DLG2: variants seen among roughly 807,000 people sequenced by gnomAD.
The protein encoded by DLG2 is disks large homolog 2.
DLG2 carries 45 observed loss-of-function variants against 132.5 expected under a neutral mutation model. That is an observed-to-expected ratio of 0.34 (90% CI 0.27 to 0.44). DLG2 has a LOEUF of 0.44. Ranked by LOEUF, DLG2 falls within the 20% of genes least tolerant of loss-of-function variation. The pLI is 1.00. For missense variants in DLG2, 1,045 were observed against 1,196.9 expected, an observed-to-expected ratio of 0.87 and a Z score of 1.87; for synonymous variants, 424 against 419.6, an observed-to-expected ratio of 1.01 and a Z score of -0.13.
At chr11:85,039,465 A>G (rs776049799) in intron 6 of DLG2, among the ~76,000 whole-genome samples, 1 of 151,856 alleles carries the variant, frequency 6.6e-6, no homozygotes. Flanking sequence ...ACCATTCCCT[A>G]GTTGTATAAG....
intron 10 of DLG2, among the ~76,000 whole-genome samples, chr11:84,078,259 G>C (rs925817123): frequency 6.6e-6 from 1 of 152,148 alleles, no homozygotes; most frequent in Non-Finnish European, 1.5e-5. Flanking sequence ...TAAACAGGTA[G>C]ATGGGAATGG....
chr11:85,564,420 T>C (rs547436304), intron 3 of DLG2, among the ~76,000 whole-genome samples: 9 of 152,126 alleles, frequency 5.9e-5, no homozygotes, highest in African/African-American at 2.2e-4. Flanking sequence ...TTTTGAGTTA[T>C]TTTTCAACAT....
chr11:84,777,864 G>A (rs1055268513), intron 6 of DLG2, among the ~76,000 whole-genome samples: 2 of 152,024 alleles, frequency 1.3e-5, no homozygotes, highest in African/African-American at 4.8e-5. Context: ...TTCCCTGTTG[G>A]ATGAATAGTT....
intron 3 of DLG2, among the ~76,000 whole-genome samples, chr11:85,591,034 T>C (rs1380360431): frequency 6.6e-6 from 1 of 152,168 alleles, no homozygotes; most frequent in Non-Finnish European, 1.5e-5. Flanking sequence ...AGTTAAATGG[T>C]GCCATCTGGT....
intron 6 of DLG2, among the ~76,000 whole-genome samples, chr11:84,631,026 A>T (rs1020478698): frequency 0.028 from 3,185 of 111,804 alleles, 29 homozygotes; most frequent in African/African-American, 0.036. Flanking sequence ...TCTCACACAC[A>T]CACACACACA....
chr11:83,831,717 A>G (rs961318864), intron 17 of DLG2, among the ~76,000 whole-genome samples: 4 of 152,224 alleles, frequency 2.6e-5, no homozygotes, highest in Admixed American at 2.6e-4. Flanking sequence ...TTAGTTATGA[A>G]CTATGAACCA....
rs1030239512 is a variant in DLG2 at position 85,324,499 on chromosome 11, T to C, written c.41-39134A>G. ...GAAAGACTAAAATCATCTGAACATC[T>C]GATTACTGATACACTGGTATTATTA... On this transcript the variant is annotated intron_variant, in intron 3 of 27. Coordinates refer to ENST00000376104, the MANE Select transcript of DLG2 (RefSeq NM_001142699.3). 9.2e-5 allele frequency among the ~76,000 whole-genome samples: 14 copies of C among 152,162 alleles called. 1 individual carries two copies. The highest frequency in any genetic ancestry group is 7.2e-4 in the Admixed American group (11 of 15,276).
At position 84,139,372 on chromosome 11, in the gene DLG2, G is replaced by C. The variant is rs2094741329; in HGVS notation, c.624+24089C>G. Among the ~76,000 whole-genome samples the C allele has an allele frequency of 2.6e-5, 4 of 152,052 alleles. No individual in the cohort carries two copies. In the South Asian group the frequency reaches 8.3e-4, roughly 32 times the overall value. On this transcript the variant is annotated intron_variant, in intron 9 of 27. Coordinates refer to ENST00000376104, the MANE Select transcript of DLG2 (RefSeq NM_001142699.3). The stretch of plus-strand genomic sequence containing the variant: ...ATAATCAGGAGCATTGCCAGAGGGA[G>C]GAAACCATATAGGAAATAGTTAAAG...
At chr11:84,783,116 G>T (rs2072128633) in intron 6 of DLG2, among the ~76,000 whole-genome samples, 1 of 151,968 alleles carries the variant, frequency 6.6e-6, no homozygotes, top group South Asian at 2.1e-4. Context: ...AAAATCAATT[G>T]ATCTCACCCT....
intron 18 of DLG2, among the ~76,000 whole-genome samples, chr11:83,715,180 C>G (rs974793999): frequency 1.3e-5 from 2 of 152,156 alleles, no homozygotes; most frequent in African/African-American, 4.8e-5. Flanking sequence ...GGATCAAAAA[C>G]TCACAGGAAT....
chr11:84,699,634 A>G (rs914932152), intron 6 of DLG2, among the ~76,000 whole-genome samples: 8 of 151,544 alleles, frequency 5.3e-5, no homozygotes, highest in African/African-American at 1.9e-4. Context: ...GTACAGGGAA[A>G]GTACTCAAAA....
At chr11:83,736,764 T>G (rs2091952186) in intron 18 of DLG2, among the ~76,000 whole-genome samples, 1 of 152,208 alleles carries the variant, frequency 6.6e-6, no homozygotes, top group African/African-American at 2.4e-5. Flanking sequence ...GCATCCAAAC[T>G]TGAAGAACAG....
intron 4 of DLG2, among the ~76,000 whole-genome samples, chr11:85,169,098 C>A (rs539600271): frequency 6.6e-6 from 1 of 152,128 alleles, no homozygotes. Context: ...CTCCCAGATA[C>A]TTTTAAACAT....
intron 3 of DLG2, among the ~76,000 whole-genome samples, chr11:85,515,527 T>C (rs1480139321): frequency 6.6e-6 from 1 of 151,994 alleles, no homozygotes; most frequent in Non-Finnish European, 1.5e-5. Flanking sequence ...AGGATATTAA[T>C]AGTGTCTATC....
At chr11:84,369,040 G>A (rs1032080804) in intron 7 of DLG2, among the ~76,000 whole-genome samples, 3 of 151,926 alleles carry the variant, frequency 2.0e-5, no homozygotes, top group African/African-American at 4.8e-5. Flanking sequence ...GTTAAATCAC[G>A]TATCCATCCC....
intron 7 of DLG2, among the ~76,000 whole-genome samples, chr11:84,390,356 T>C (rs1242777568): frequency 1.3e-5 from 2 of 152,192 alleles, no homozygotes. Context: ...GGCTATAAAA[T>C]GTAATGACTA....
At chr11:85,520,374 G>T (rs1188171386) in intron 3 of DLG2, among the ~76,000 whole-genome samples, 3 of 152,090 alleles carry the variant, frequency 2.0e-5, no homozygotes, top group Non-Finnish European at 2.9e-5. Context: ...AATACTCCAT[G>T]CTCATGGATT....
At chr11:85,310,359 C>T (rs2080237874) in intron 3 of DLG2, among the ~76,000 whole-genome samples, 1 of 152,202 alleles carries the variant, frequency 6.6e-6, no homozygotes, top group African/African-American at 2.4e-5. Context: ...GAGCTAGCCA[C>T]ACTTCATAGA....
At chr11:85,442,286 T>C (rs1314567573) in intron 3 of DLG2, among the ~76,000 whole-genome samples, 1 of 152,172 alleles carries the variant, frequency 6.6e-6, no homozygotes, top group African/African-American at 2.4e-5. Flanking sequence ...AAAGTAGAAT[T>C]AGGAAGGCCA....
Sources: allele counts gnomAD v4.1 joint callset (sites outside exome capture counted in the v4.1 genomes callset), GRCh38; gene constraint gnomAD v4.1.1; transcripts MANE v1.5; gene names NCBI Gene and HGNC (gene_info 2026-07-23, HGNC 2026-07-21).